Variants in CDC42BPA observed in about 807,000 individuals in gnomAD.
CDC42BPA encodes the protein serine/threonine-protein kinase MRCK alpha.
Under a neutral mutation model 223.5 loss-of-function variants are expected in CDC42BPA, and 80 were observed. The ratio of observed to expected loss-of-function variants is 0.36; its 90% CI spans 0.30 to 0.43. The LOEUF (loss-of-function observed/expected upper bound fraction) is 0.43, where lower values mean the gene tolerates loss of function less well. Ranked by LOEUF, CDC42BPA falls within the 20% of genes least tolerant of loss-of-function variation. The pLI is 1.00. For synonymous variants in CDC42BPA, 694 were observed against 718.6 expected (o/e 0.97, Z 0.55); for missense variants, 1,743 against 2,099.9 (o/e 0.83, Z 3.32).
intron 1 of CDC42BPA, among the ~76,000 whole-genome samples, chr1:227,311,224 G>T (rs1693482147): frequency 6.6e-6 from 1 of 152,108 alleles, no homozygotes; most frequent in Non-Finnish European, 1.5e-5. Flanking sequence ...AGCTGGGCAT[G>T]GTGGCACATG....
intron 23 of CDC42BPA, among the ~76,000 whole-genome samples, chr1:227,045,315 T>C (rs907511039): frequency 5.9e-5 from 9 of 152,300 alleles, no homozygotes; most frequent in Non-Finnish European, 1.2e-4. Context: ...TTCTTTTCAT[T>C]TTGCCTTGGG....
intron 1 of CDC42BPA, among the ~76,000 whole-genome samples, chr1:227,271,852 C>T (rs979545684): frequency 1.3e-5 from 2 of 152,114 alleles, no homozygotes; most frequent in African/African-American, 4.8e-5. Flanking sequence ...TGCCTTCTTT[C>T]GAGCATCCTC....
intron 32 of CDC42BPA, among the ~76,000 whole-genome samples, chr1:227,018,081 C>G (rs1313519850): frequency 6.7e-6 from 1 of 149,410 alleles, no homozygotes; most frequent in Non-Finnish European, 1.5e-5. Context: ...GGGTCTTGCT[C>G]TGTTGCCCAG....
chr1:226,999,730 A>C (rs1248828300), intron 35 of CDC42BPA, among the ~76,000 whole-genome samples: 3 of 152,190 alleles, frequency 2.0e-5, no homozygotes, highest in Non-Finnish European at 4.4e-5. Flanking sequence ...CTGGATAAAG[A>C]AAATGTGGCA....
chr1:227,001,328 T>C (rs1399483875), intron 35 of CDC42BPA, among the ~76,000 whole-genome samples: 1 of 152,130 alleles, frequency 6.6e-6, no homozygotes, highest in African/African-American at 2.4e-5. Context: ...TCTTATATCT[T>C]TACTGGACAA....
At chr1:227,106,434 G>A (rs185788183) in intron 14 of CDC42BPA, among the ~76,000 whole-genome samples, 4 of 151,738 alleles carry the variant, frequency 2.6e-5, no homozygotes, top group African/African-American at 9.7e-5. Flanking sequence ...TACACATTAA[G>A]TTTTAATTTT....
Position 227,200,423 on chromosome 1 carries a change from C to T in CDC42BPA, c.355-771G>A, listed in dbSNP as rs190445111. On this transcript the variant is annotated intron_variant, in intron 3 of 36. Transcript: ENST00000366766. Reference sequence around the variant, plus strand: ...TCCAACCTGGGTGACAGAGTGAGACCTTGCCTTAAAAAACAAACAAACAAA... The same window carrying T: ...TCCAACCTGGGTGACAGAGTGAGACTTTGCCTTAAAAAACAAACAAACAAA... Among the ~76,000 whole-genome samples, 894 of 129,008 alleles carry T rather than the reference C, an allele frequency of 6.9e-3. 12 individuals carry two copies. Among genetic ancestry groups the T allele is most frequent in the African/African-American group, 0.025 (843 of 33,428 alleles). The allele number at this position is 129,008 out of a possible 152,430, so 84.6% of individuals were successfully genotyped here. A position where few individuals can be genotyped will look rare whatever the true frequency, so the allele number is the denominator to read the frequency against.
chr1:227,204,995 G>A (rs372308799), intron 3 of CDC42BPA, among the ~76,000 whole-genome samples: 14,848 of 151,630 alleles, frequency 0.098, 868 homozygotes, highest in Middle Eastern at 0.17. Flanking sequence ...ACAGTGGCTC[G>A]CGCCTGTAAT....
chr1:227,031,242 C>G, intron 28 of CDC42BPA, 56 bp downstream of exon 28: 1 of 1,390,374 alleles, frequency 7.2e-7, no homozygotes, highest in Non-Finnish European at 1.0e-6. Context: ...AATCCCTGTT[C>G]TCAAGGTAGA....
rs181301565 is a variant in CDC42BPA at position 227,257,822 on chromosome 1, T to A, written c.179-3667A>T. ...TTGACAAGGTGGGTGAAACCTTTTT[T>A]AAAAAAAATTACACACAAGTTTGAC... On this transcript the variant is annotated intron_variant, in intron 1 of 36. Transcript: ENST00000366766. Among the ~76,000 whole-genome samples the A allele has an allele frequency of 1.7e-4, 25 of 150,356 alleles. No individual in the cohort carries two copies. In the East Asian group the frequency reaches 3.7e-3, roughly 22 times the overall value.
intron 34 of CDC42BPA, 111 bp downstream of exon 34, chr1:227,015,969 T>G (rs1289941962): frequency 1.5e-6 from 1 of 671,406 alleles, no homozygotes; most frequent in African/African-American, 1.8e-5. Context: ...GAGAGAAACA[T>G]TTCCTCATTA....
chr1:227,020,766 T>C (rs1217332279), intron 32 of CDC42BPA, among the ~76,000 whole-genome samples: 1 of 152,216 alleles, frequency 6.6e-6, no homozygotes, highest in Non-Finnish European at 1.5e-5. Flanking sequence ...AACTTTTCCT[T>C]TGCACTCATG....
chr1:227,212,341 G>A (rs1166063636), intron 3 of CDC42BPA, among the ~76,000 whole-genome samples: 1 of 151,960 alleles, frequency 6.6e-6, no homozygotes, highest in Non-Finnish European at 1.5e-5. Flanking sequence ...ATTTCTAAAG[G>A]CGAATTTGTC....
chr1:227,060,027 T>G lies in CDC42BPA; in HGVS notation c.2905-8042A>C, dbSNP rs1338483387. Among the ~76,000 whole-genome samples the G allele has an allele frequency of 1.2e-3, 102 of 86,014 alleles. 1 individual carries two copies. The highest frequency in any genetic ancestry group is 3.5e-3 in the African/African-American group (94 of 26,498). 56.4% of individuals were successfully genotyped at this position (86,014 alleles called of 152,430 possible). A position where few individuals can be genotyped will look rare whatever the true frequency, so the allele number is the denominator to read the frequency against. On this transcript the variant is annotated intron_variant, in intron 21 of 36. Transcript: ENST00000366766. ...GAACAATTATCTCAAAAAGTTTTTT[T>G]TTGTTTTTTTTTTTTTTTTTTGAGA... is the stretch of plus-strand genomic sequence containing the variant.
At chr1:227,295,983 A>C (rs1690577352) in intron 1 of CDC42BPA, among the ~76,000 whole-genome samples, 1 of 152,208 alleles carries the variant, frequency 6.6e-6, no homozygotes, top group South Asian at 2.1e-4. Flanking sequence ...GCCCTAACAA[A>C]ATTCCAACAG....
At chr1:227,176,109 T>G (rs900477260) in intron 5 of CDC42BPA, among the ~76,000 whole-genome samples, 1 of 152,092 alleles carries the variant, frequency 6.6e-6, no homozygotes, top group Non-Finnish European at 1.5e-5. Flanking sequence ...TGTGATACCA[T>G]ACCGGGCTAA....
At chr1:227,260,059 A>G (rs531704905) in intron 1 of CDC42BPA, among the ~76,000 whole-genome samples, 2 of 150,768 alleles carry the variant, frequency 1.3e-5, no homozygotes, top group South Asian at 2.1e-4. Context: ...AAGGTTTAGA[A>G]AGATAATATA....
chr1:227,014,256 T>A (rs966456431), intron 34 of CDC42BPA, among the ~76,000 whole-genome samples: 2 of 152,076 alleles, frequency 1.3e-5, no homozygotes, highest in African/African-American at 2.4e-5. Flanking sequence ...GACCTGAAAA[T>A]TTTTAAAAGT....
chr1:227,239,111 T>C (rs1679587815), intron 2 of CDC42BPA, among the ~76,000 whole-genome samples: 1 of 152,196 alleles, frequency 6.6e-6, no homozygotes, highest in Non-Finnish European at 1.5e-5. Context: ...AAAAGAGCTA[T>C]CAAGCCATTT....
Sources: allele counts gnomAD v4.1 joint callset (sites outside exome capture counted in the v4.1 genomes callset), GRCh38; gene constraint gnomAD v4.1.1; transcripts MANE v1.5; gene names NCBI Gene and HGNC (gene_info 2026-07-23, HGNC 2026-07-21).